KSR2: variants seen among roughly 807,000 people sequenced by gnomAD.
KSR2 encodes kinase suppressor of ras 2.
A neutral mutation model predicts 107.8 loss-of-function variants in KSR2; 25 were observed. The observed-to-expected ratio is 0.23, with a 90% CI of 0.17 to 0.32. The LOEUF is 0.32. Ranked by LOEUF, KSR2 falls within the 10% of genes least tolerant of loss-of-function variation. The pLI, the probability that KSR2 is intolerant of heterozygous loss-of-function variation, is 1.00. For missense variants in KSR2, 887 were observed against 1,268.9 expected, an observed-to-expected ratio of 0.70 and a Z score of 4.57; for synonymous variants, 480 against 507.0, an observed-to-expected ratio of 0.95 and a Z score of 0.71.
At chr12:117,949,171 CT>C (rs1206499802) in intron 1 of KSR2, among the ~76,000 whole-genome samples, 1 of 151,512 alleles carries the variant, frequency 6.6e-6, no homozygotes, top group Non-Finnish European at 1.5e-5. Flanking sequence ...TTGCACCAAC[CT>C]AATACAAAAA....
rs755847165 is a variant in KSR2 at position 117,957,831 on chromosome 12, C to CCT, written c.180+10244_180+10245insAG. Among the ~76,000 whole-genome samples, 853 of 137,056 alleles carry CCT rather than the reference C, an allele frequency of 6.2e-3. 13 individuals are homozygous for CCT. The highest frequency in any genetic ancestry group is 0.022 in the African/African-American group (808 of 36,520). The allele number at this position is 137,056 out of a possible 152,430, so 89.9% of individuals were successfully genotyped here. A position where few individuals can be genotyped will look rare whatever the true frequency, so the allele number is the denominator to read the frequency against. On this transcript the variant is annotated intron_variant, in intron 1 of 19. Coordinates refer to ENST00000339824, the MANE Select transcript of KSR2 (RefSeq NM_173598.6). The stretch of plus-strand genomic sequence containing the variant: ...GGCCAAGTCCTCACAGGCTGACCAC[C>CCT]TTTTTTTTTTTTTTTTTTTAAACTG...
At chr12:117,490,155 T>C (rs573230206) in intron 14 of KSR2, among the ~76,000 whole-genome samples, 1 of 152,310 alleles carries the variant, frequency 6.6e-6, no homozygotes, top group African/African-American at 2.4e-5. Context: ...CCATTCCCGA[T>C]CTTCTTCCTA....
At chr12:117,656,963 G>GAGATATATATAT (rs1555225273) in intron 5 of KSR2, among the ~76,000 whole-genome samples, 26 of 88,806 alleles carry the variant, frequency 2.9e-4, no homozygotes, top group East Asian at 2.9e-3. Flanking sequence ...TATATAATAG[G>GAGATATATATAT]ATATATATAT....
chr12:117,470,397 C>T (rs1174347900), intron 18 of KSR2, among the ~76,000 whole-genome samples: 3 of 152,062 alleles, frequency 2.0e-5, no homozygotes, highest in African/African-American at 7.2e-5. Context: ...ATCCATCCAT[C>T]CATCCATCCA....
chr12:117,724,710 A>C (rs1887348950), intron 4 of KSR2, among the ~76,000 whole-genome samples: 1 of 152,196 alleles, frequency 6.6e-6, no homozygotes, highest in Non-Finnish European at 1.5e-5. Context: ...ACATGCCAAG[A>C]ATAAATGGGA....
chr12:117,566,471 G>A (rs1878503196), intron 7 of KSR2, among the ~76,000 whole-genome samples: 2 of 152,172 alleles, frequency 1.3e-5, no homozygotes, highest in Admixed American at 6.5e-5. Context: ...CCACTTATAA[G>A]TGAGAACATG....
intron 3 of KSR2, among the ~76,000 whole-genome samples, chr12:117,782,751 C>G (rs962479332): frequency 1.3e-5 from 2 of 152,008 alleles, no homozygotes; most frequent in South Asian, 2.1e-4. Context: ...AGTGAAAAAG[C>G]CAAAATTTGA....
intron 4 of KSR2, among the ~76,000 whole-genome samples, chr12:117,735,142 G>A (rs1378836645): frequency 6.6e-6 from 1 of 152,134 alleles, no homozygotes; most frequent in Non-Finnish European, 1.5e-5. Flanking sequence ...TGCCACCCAG[G>A]GGCCAAAGCA....
At chr12:117,484,029 C>T (rs1872320412) in intron 16 of KSR2, among the ~76,000 whole-genome samples, 1 of 152,232 alleles carries the variant, frequency 6.6e-6, no homozygotes, top group African/African-American at 2.4e-5. Context: ...TTGCTGTTAA[C>T]TGTACTCTTC....
At chr12:117,818,719 C>T (rs1181229296) in intron 3 of KSR2, among the ~76,000 whole-genome samples, 2 of 152,136 alleles carry the variant, frequency 1.3e-5, no homozygotes, top group Non-Finnish European at 2.9e-5. Context: ...GGAGGAACGC[C>T]TGCTGTCATT....
intron 1 of KSR2, among the ~76,000 whole-genome samples, chr12:117,908,263 C>CTT (rs201939871): frequency 4.9e-5 from 7 of 141,590 alleles, no homozygotes; most frequent in East Asian, 4.0e-4. Flanking sequence ...TTGTTTGCGC[C>CTT]TTTTTTTTTT....
At chr12:117,559,302 T>C (rs957716766) in intron 7 of KSR2, among the ~76,000 whole-genome samples, 2 of 152,182 alleles carry the variant, frequency 1.3e-5, no homozygotes, top group Non-Finnish European at 2.9e-5. Flanking sequence ...AGCTGTTTTA[T>C]TAGCACTGCC....
At chr12:117,647,775 T>G (rs1883717296) in intron 5 of KSR2, among the ~76,000 whole-genome samples, 1 of 151,980 alleles carries the variant, frequency 6.6e-6, no homozygotes. Context: ...CAGGCTGGAG[T>G]GCAGTGGCGT....
At chr12:117,952,391 G>A (rs566814836) in intron 1 of KSR2, among the ~76,000 whole-genome samples, 2 of 152,320 alleles carry the variant, frequency 1.3e-5, no homozygotes, top group South Asian at 2.1e-4. Flanking sequence ...GCTTATGCCT[G>A]TAATCCCAGC....
chr12:117,812,067 C>T (rs1175671901), intron 3 of KSR2, among the ~76,000 whole-genome samples: 5 of 152,156 alleles, frequency 3.3e-5, no homozygotes, highest in Non-Finnish European at 4.4e-5. Flanking sequence ...AAAATAAGGT[C>T]CCAATGTGAG....
At position 117,686,700 on chromosome 12, in the gene KSR2, T is replaced by A. The variant is rs1334037800; in HGVS notation, c.987-19042A>T. 2.6e-5 allele frequency among the ~76,000 whole-genome samples: 4 copies of A among 152,294 alleles called. No homozygotes were observed. In the Middle Eastern group the frequency reaches 0.01, roughly 389 times the overall value. On this transcript the variant is annotated intron_variant, in intron 4 of 19. Coordinates refer to ENST00000339824, the MANE Select transcript of KSR2 (RefSeq NM_173598.6). Reference sequence around the variant, plus strand: ...TGGTAAGCCCGTAAAGACCCTTCTCTGTGCAAGCAGGAGGTCAGCCAGAAA... The same window carrying A: ...TGGTAAGCCCGTAAAGACCCTTCTCAGTGCAAGCAGGAGGTCAGCCAGAAA...
intron 4 of KSR2, among the ~76,000 whole-genome samples, chr12:117,672,920 C>T (rs988547381): frequency 6.6e-6 from 1 of 152,196 alleles, no homozygotes; most frequent in Non-Finnish European, 1.5e-5. Flanking sequence ...TGGGCCACTG[C>T]GCCTGGTGAT....
intron 15 of KSR2, among the ~76,000 whole-genome samples, 188 bp from the exon 16 acceptor site, chr12:117,484,737 C>T (rs957232292): frequency 6.6e-6 from 1 of 152,160 alleles, no homozygotes; most frequent in Admixed American, 6.5e-5. Context: ...CAAGCGGGAA[C>T]AGGCAGGGCC....
chr12:117,594,322 A>G (rs1426677910), intron 5 of KSR2, among the ~76,000 whole-genome samples: 2 of 152,188 alleles, frequency 1.3e-5, no homozygotes, highest in Non-Finnish European at 2.9e-5. Flanking sequence ...CCAAGACACC[A>G]GGCATCGTGG....
Sources: gnomAD v4.1 joint callset for allele counts (sites outside exome capture counted in the v4.1 genomes callset) on GRCh38, gnomAD v4.1.1 for gene constraint, MANE v1.5 for transcripts, NCBI Gene and HGNC (gene_info 2026-07-23, HGNC 2026-07-21) for gene names.